Variants in ADGRG1 observed in about 807,000 individuals in gnomAD.
ADGRG1 encodes the protein 7-transmembrane protein with no EGF-like N-terminal domains-1.
ADGRG1 carries 53 observed loss-of-function variants against 73.5 expected under a neutral mutation model. The ratio of observed to expected loss-of-function variants is 0.72; its 90% confidence interval spans 0.58 to 0.91. The LOEUF (loss-of-function observed/expected upper bound fraction) is 0.91. ADGRG1 is among the 40% of genes least tolerant of loss of function. ADGRG1 has a pLI of 0.00. For synonymous variants in ADGRG1, 394 were observed against 374.4 expected, an observed-to-expected ratio of 1.05 and a Z score of -0.60; for missense variants, 795 against 871.8, an observed-to-expected ratio of 0.91 and a Z score of 1.11.
chr16:57,632,879 T>C, intron 1 of ADGRG1: 1 of 985,434 alleles, frequency 1.0e-6, no homozygotes, highest in Non-Finnish European at 1.2e-6. Flanking sequence ...CCAACCCTGG[T>C]GGCCTGAAAA....
Position 57,661,751 on chromosome 16 carries a change from C to T in ADGRG1, c.1719C>T (p.Ser573=), listed in dbSNP as rs1214279295. The T allele has an allele frequency of 6.2e-7, 1 of 1,614,196 alleles. No homozygotes were observed. The highest frequency in any genetic ancestry group is 2.2e-5 in the East Asian group (1 of 44,880). ...ACATCACCAACCTGGGCCTCTTCAGCCTGGTGTTTCTGTTCAACATGGCCA... is the reference window on the plus strand; with the variant it reads ...ACATCACCAACCTGGGCCTCTTCAGTCTGGTGTTTCTGTTCAACATGGCCA... ...VSYITNLGLF[S]LVFLFNMAML... The change falls in exon 13 of 14, where the codon AGC becomes AGT. Residue 573 remains serine (S), a synonymous_variant. Transcript: ENST00000562631.
rs2047972879 is a variant in ADGRG1, at chr16:57,664,858, G to C, written c.*1276G>C. On this transcript the variant is annotated 3_prime_UTR_variant, in exon 14 of 14. Coordinates refer to ENST00000562631, the MANE Select transcript of ADGRG1 (RefSeq NM_201525.4). ...GGGAATCCTGGAAGACTTCCTGCAGGAGTCAGCGTTCAATCTTGACCTTGA... is the reference window on the plus strand; with the variant it reads ...GGGAATCCTGGAAGACTTCCTGCAGCAGTCAGCGTTCAATCTTGACCTTGA... The C allele has an allele frequency of 6.5e-6, 1 of 154,178 alleles. No homozygotes were observed. Among genetic ancestry groups the C allele is most frequent in the Non-Finnish European group, 1.5e-5 (1 of 68,050 alleles). 9.6% of individuals were successfully genotyped at this position (154,178 alleles called of 1,614,324 possible).
rs551761185 is a variant in ADGRG1, at chr16:57,663,720, C to T, written c.*138C>T. The T allele has an allele frequency of 1.0e-5, 10 of 965,846 alleles. No individual in the cohort carries two copies. The highest frequency in any genetic ancestry group is 8.0e-5 in the Admixed American group (4 of 50,236). 59.8% of individuals were successfully genotyped at this position (965,846 alleles called of 1,614,324 possible). A position where few individuals can be genotyped will look rare whatever the true frequency, so the allele number is the denominator to read the frequency against. ...GCCCAACGACCATGGAGAGATGGGC[C>T]GTTGCCATGGTGGACGGACTCCCGG... On this transcript the variant is annotated 3_prime_UTR_variant, in exon 14 of 14. Coordinates refer to ENST00000562631, the MANE Select transcript of ADGRG1 (RefSeq NM_201525.4).
At chr16:57,658,133 G>T (rs2046205789) in intron 10 of ADGRG1, among the ~76,000 whole-genome samples, 1 of 152,136 alleles carries the variant, frequency 6.6e-6, no homozygotes, top group Admixed American at 6.5e-5. Flanking sequence ...ACTTAAAAAA[G>T]GAAAGATTTT....
chr16:57,660,658 A>T, intron 11 of ADGRG1, 110 bp from the exon 12 acceptor site: 1 of 1,519,112 alleles, frequency 6.6e-7, no homozygotes, highest in Non-Finnish European at 8.9e-7. Flanking sequence ...GGTGGGCTTC[A>T]GGAGCCCAAA....
At chr16:57,620,290 C>T (rs2404690), upstream of ADGRG1, among the ~76,000 whole-genome samples, 4 of 152,158 alleles carry the variant, frequency 2.6e-5, no homozygotes, top group Non-Finnish European at 5.9e-5. Context: ...GGGTACTGGG[C>T]GTCTCTCAGT....
intron 1 of ADGRG1, chr16:57,634,225 G>T: frequency 1.0e-6 from 1 of 985,414 alleles, no homozygotes; most frequent in Non-Finnish European, 1.2e-6. Flanking sequence ...CTCAGGGTGT[G>T]GCTCTGTGGC....
intron 1 of ADGRG1, chr16:57,621,113 G>T (rs561856664): frequency 6.6e-6 from 1 of 152,136 alleles, no homozygotes; most frequent in African/African-American, 2.4e-5. Flanking sequence ...TCCCTGGGGC[G>T]TGTGGGCAGC....
rs377084153 is a variant in ADGRG1 at position 57,657,430 on chromosome 16, G to A, written c.1225G>A (p.Val409Met). 3.1e-5 allele frequency: 50 copies of A among 1,613,994 alleles called. No homozygotes were observed. Among genetic ancestry groups the A allele is most frequent in the Non-Finnish European group, 3.5e-5 (41 of 1,179,994 alleles). The change falls in exon 10 of 14, where the codon GTG becomes ATG. Residue 409 changes from valine to methionine, a missense_variant. Coordinates refer to ENST00000562631, the MANE Select transcript of ADGRG1 (RefSeq NM_201525.4). ...HKHYLSLLSY[V>M]GCVVSALACL... is the part of the protein sequence containing the mutation. ...GCACTACCTGAGCCTCCTCTCCTAC[G>A]TGGGCTGTGTCGTCTCTGCCCTGGC...
intron 1 of ADGRG1, 103 bp downstream of exon 1, chr16:57,628,905 T>A (rs2036612158): frequency 1.1e-6 from 1 of 870,478 alleles, no homozygotes; most frequent in Non-Finnish European, 1.3e-6. Context: ...TGTGTGAGTG[T>A]GAGTGTGTGA....
chr16:57,641,341 T>G (rs1236445673), intron 1 of ADGRG1: 23 of 985,048 alleles, frequency 2.3e-5, no homozygotes, highest in Non-Finnish European at 2.8e-5. Context: ...GAGGCTGGCC[T>G]CAGCTGCTCC....
At chr16:57,639,934 A>C (rs1341814151) in intron 1 of ADGRG1, 4 of 860,630 alleles carry the variant, frequency 4.6e-6, no homozygotes, top group Non-Finnish European at 4.2e-6. Context: ...GGACTTGGGC[A>C]GTTTAAGACA....
intron 1 of ADGRG1, chr16:57,642,050 G>A (rs2040979164): frequency 2.0e-6 from 2 of 983,582 alleles, no homozygotes; most frequent in Non-Finnish European, 2.4e-6. Flanking sequence ...ACTACCCCTG[G>A]CTTCAATTCC....
chr16:57,628,857 AGTGTGAGT>A (rs2036483808), intron 1 of ADGRG1, 55 bp downstream of exon 1: 1 of 975,244 alleles, frequency 1.0e-6, no homozygotes, highest in Non-Finnish European at 1.2e-6. Context: ...TGAGTGTGAG[AGTGTGAGT>A]GTGTGAGCGT....
chr16:57,654,022 G>A lies in ADGRG1; in HGVS notation c.657G>A (p.Val219=), dbSNP rs771558529. 3.7e-6 allele frequency: 6 copies of A among 1,614,116 alleles called. 1 individual carries two copies. In the South Asian group the frequency reaches 6.6e-5, roughly 18 times the overall value. The change falls in exon 5 of 14, where the codon GTG becomes GTA. Residue 219 remains valine, a synonymous_variant. Transcript: ENST00000562631. ...GCCTGGAGTCGAAACTGACCTCTGTGAGATTCATGGGGGACATGGTGTCCT... is the reference window on the plus strand; with the variant it reads ...GCCTGGAGTCGAAACTGACCTCTGTAAGATTCATGGGGGACATGGTGTCCT... The part of the protein sequence containing the change: ...LQSLESKLTS[V]RFMGDMVSFE...
At chr16:57,647,331 T>C in intron 1 of ADGRG1, 1 of 983,708 alleles carries the variant, frequency 1.0e-6, no homozygotes, top group Non-Finnish European at 1.2e-6. Context: ...CAAGGTGCTC[T>C]GGTGGGTGAG....
intron 1 of ADGRG1, chr16:57,631,747 C>T (rs1376831755): frequency 6.1e-6 from 6 of 985,452 alleles, no homozygotes; most frequent in Admixed American, 6.1e-5. Flanking sequence ...GGCTGTGGCA[C>T]GGCCTCAGCC....
At chr16:57,655,587 G>T in intron 6 of ADGRG1, 57 bp downstream of exon 6, 2 of 1,611,450 alleles carry the variant, frequency 1.2e-6, no homozygotes, top group Non-Finnish European at 1.7e-6. Context: ...TCTGACAGAG[G>T]TGGAAAGAAG....
chr16:57,633,433 C>T lies in ADGRG1; in HGVS notation c.-36+4631C>T, dbSNP rs545761220. On this transcript the variant is annotated intron_variant, in intron 1 of 13. Coordinates refer to ENST00000562631, the MANE Select transcript of ADGRG1 (RefSeq NM_201525.4). ...GTGGGGATGAACCGAGACAGCCACA[C>T]GTCATAGGGGCTCATGAGACGCAGA... 3.6e-5 allele frequency: 35 copies of T among 985,352 alleles called. No individual in the cohort carries two copies. The South Asian group carries it at 8.5e-4, about 24-fold the overall frequency. 61.0% of individuals were successfully genotyped at this position (985,352 alleles called of 1,614,324 possible).
Sources: allele counts gnomAD v4.1 joint callset (sites outside exome capture counted in the v4.1 genomes callset), GRCh38; gene constraint gnomAD v4.1.1; transcripts MANE v1.5; gene names NCBI Gene and HGNC (gene_info 2026-07-23, HGNC 2026-07-21).